The following TNRC6B variants were observed in gnomAD, a reference collection of about 807,000 sequenced individuals.
TNRC6B encodes trinucleotide repeat-containing gene 6B protein.
A neutral mutation model predicts 203.6 loss-of-function variants in TNRC6B; 52 were observed. The ratio of observed to expected loss-of-function variants is 0.26; its 90% CI spans 0.20 to 0.32. The LOEUF is 0.32. Ranked by LOEUF, TNRC6B falls within the 10% of genes least tolerant of loss-of-function variation. The pLI is 1.00. For synonymous variants in TNRC6B, 838 were observed against 845.7 expected, an observed-to-expected ratio of 0.99 and a Z score of 0.16; for missense variants, 1,923 against 2,286.2, an observed-to-expected ratio of 0.84 and a Z score of 3.24.
At chr22:40,142,934 G>A (rs1026727251) in intron 3 of TNRC6B, among the ~76,000 whole-genome samples, 2 of 152,194 alleles carry the variant, frequency 1.3e-5, no homozygotes, top group African/African-American at 2.4e-5. Context: ...TTAATTTGAG[G>A]TGTATCACAG....
intron 3 of TNRC6B, among the ~76,000 whole-genome samples, chr22:40,137,497 A>C (rs1332727082): frequency 6.6e-6 from 1 of 152,248 alleles, no homozygotes; most frequent in Non-Finnish European, 1.5e-5. Context: ...GTACAGAAGA[A>C]TCCCTAAGAA....
chr22:40,137,749 C>T (rs1051570489), intron 3 of TNRC6B, among the ~76,000 whole-genome samples: 1 of 151,958 alleles, frequency 6.6e-6, no homozygotes, highest in Non-Finnish European at 1.5e-5. Context: ...TTTGGGAGGC[C>T]GAGGCGGGTG....
At chr22:40,067,349 T>C (rs996051888) in intron 1 of TNRC6B, among the ~76,000 whole-genome samples, 7 of 152,160 alleles carry the variant, frequency 4.6e-5, no homozygotes, top group Non-Finnish European at 1.0e-4. Context: ...GTGGGAATTA[T>C]GTGAATGCCC....
chr22:40,280,529 G>A (rs1380631312), intron 10 of TNRC6B, among the ~76,000 whole-genome samples: 1 of 152,178 alleles, frequency 6.6e-6, no homozygotes, highest in East Asian at 1.9e-4. Context: ...TAACTCTGTT[G>A]TTATCTTTCC....
At chr22:40,238,401 C>T (rs945095334) in intron 1 of TNRC6B, among the ~76,000 whole-genome samples, 1 of 152,140 alleles carries the variant, frequency 6.6e-6, no homozygotes, top group Non-Finnish European at 1.5e-5. Context: ...CAATTTGATT[C>T]CTTATTCAAT....
At chr22:40,204,416 C>A (rs2069452443) in intron 1 of TNRC6B, among the ~76,000 whole-genome samples, 1 of 152,196 alleles carries the variant, frequency 6.6e-6, no homozygotes, top group South Asian at 2.1e-4. Context: ...ATTCCAGATT[C>A]ATCCCCTGCC....
Position 40,270,170 on chromosome 22 carries a change from G to A in TNRC6B, c.2855G>A (p.Trp952Ter), listed in dbSNP as rs1440097509. Residue 952 changes from tryptophan (W) to a stop codon, truncating the protein, a stop_gained, in exon 6 of 23, where the codon TGG becomes TAG. Transcript: ENST00000454349. LOFTEE classifies it high-confidence loss of function. ...GCTCCAGATAATGGTACTTCCGCTT[G>A]GGGTGAGCCAAATGAAAGCAGTCCT... ...PPAPDNGTSA[W>*]GEPNESSPGW... 1 of 1,583,184 alleles carries A rather than the reference G, an allele frequency of 6.3e-7. No homozygotes were observed. Among genetic ancestry groups the A allele is most frequent in the Non-Finnish European group, 8.6e-7 (1 of 1,163,916 alleles).
intron 3 of TNRC6B, among the ~76,000 whole-genome samples, chr22:40,258,486 A>T (rs534586620): frequency 7.2e-5 from 11 of 152,268 alleles, no homozygotes; most frequent in African/African-American, 2.6e-4. Flanking sequence ...ATTCACAGAA[A>T]GGTGTGATTT....
chr22:40,105,558 T>C (rs1569261961), intron 1 of TNRC6B, among the ~76,000 whole-genome samples: 1 of 152,226 alleles, frequency 6.6e-6, no homozygotes, highest in African/African-American at 2.4e-5. Flanking sequence ...AGTCATATGC[T>C]GTATCTCCTT....
rs2070449159 is a variant in TNRC6B at position 40,264,798 on chromosome 22, G to A, written c.568G>A (p.Val190Met). 6.2e-7 allele frequency: 1 copy of A among 1,613,994 alleles called. No individual in the cohort carries two copies. Among genetic ancestry groups the A allele is most frequent in the African/African-American group, 1.3e-5 (1 of 75,028 alleles). The change falls in exon 5 of 23, where the codon GTG (valine) becomes ATG (methionine). Residue 190 changes from valine (V) to methionine (M), a missense_variant. Physicochemically the swap from Val to Met is conservative, Grantham distance 21 (BLOSUM62 1). This residue lies in a region of TNRC6B where 614 missense variants were observed against 587.7 expected (regional missense o/e 1.04). Coordinates refer to ENST00000454349, the MANE Select transcript of TNRC6B (RefSeq NM_001162501.2). ...SPNPIHIWDKVIVDGSDMEEW... is the reference protein window; with the variant it reads ...SPNPIHIWDKMIVDGSDMEEW... ...CAACCCAATTCACATCTGGGACAAG[G>A]TGATTGTAGACGGGTCTGACATGGA...
chr22:40,299,405 A>G (rs1318207851), intron 12 of TNRC6B, among the ~76,000 whole-genome samples: 1 of 151,668 alleles, frequency 6.6e-6, no homozygotes, highest in Non-Finnish European at 1.5e-5. Context: ...ACACCCAGCT[A>G]ATTTTGTATT....
chr22:40,257,009 A>G (rs1184306272), intron 3 of TNRC6B, among the ~76,000 whole-genome samples: 1 of 152,198 alleles, frequency 6.6e-6, no homozygotes, highest in East Asian at 1.9e-4. Context: ...AGGTAAAGAA[A>G]TAGAGGCAGT....
rs183455322 is a variant in TNRC6B at position 40,149,199 on chromosome 22, A to G, written c.46-6916A>G. ...GCTGTGAAAGGAAAATGAACTATTG[A>G]CACTTGAAACCACATGGATGAATTT... On this transcript the variant is annotated intron_variant, in intron 3 of 23. Coordinates refer to the TNRC6B transcript ENST00000301923. Among the ~76,000 whole-genome samples the G allele has an allele frequency of 7.2e-4, 109 of 152,374 alleles. No homozygotes were observed. The Middle Eastern group carries it at 0.01, about 14-fold the overall frequency.
intron 11 of TNRC6B, among the ~76,000 whole-genome samples, chr22:40,282,132 G>A (rs1029225421): frequency 6.6e-6 from 1 of 152,230 alleles, no homozygotes; most frequent in African/African-American, 2.4e-5. Context: ...GTGGGAGGAC[G>A]TTAATTATAC....
intron 4 of TNRC6B, among the ~76,000 whole-genome samples, chr22:40,157,935 A>T (rs1169911374): frequency 6.6e-6 from 1 of 152,182 alleles, no homozygotes; most frequent in Non-Finnish European, 1.5e-5. Flanking sequence ...TTTAGATTTG[A>T]ACCCAGATCT....
intron 3 of TNRC6B, among the ~76,000 whole-genome samples, chr22:40,132,175 C>T (rs2068550842): frequency 1.3e-5 from 2 of 152,098 alleles, no homozygotes; most frequent in African/African-American, 4.8e-5. Flanking sequence ...TAGCAAAACC[C>T]CATCTCTACT....
intron 1 of TNRC6B, among the ~76,000 whole-genome samples, chr22:40,092,228 C>A (rs1432753986): frequency 6.6e-6 from 1 of 151,906 alleles, no homozygotes; most frequent in Admixed American, 6.6e-5. Context: ...CATGGAGAAA[C>A]CCCATCTCTA....
rs941599260 is a variant in TNRC6B, at chr22:40,264,829, G to A, written c.599G>A (p.Trp200Ter). Residue 200 changes from tryptophan to a stop codon, truncating the protein, a stop_gained, in exon 5 of 23, where the codon TGG (tryptophan) becomes TAG (stop). Transcript: ENST00000454349. LOFTEE classifies it high-confidence loss of function. ...VIVDGSDMEE[W>*]PCIASKDTES... Reference sequence around the variant, plus strand: ...GTAGACGGGTCTGACATGGAAGAGTGGCCTTGTATTGCCAGCAAAGACACT... The same window carrying A: ...GTAGACGGGTCTGACATGGAAGAGTAGCCTTGTATTGCCAGCAAAGACACT... 1 of 1,613,814 alleles carries A rather than the reference G, an allele frequency of 6.2e-7. No homozygotes were observed. The highest frequency in any genetic ancestry group is 1.3e-5 in the African/African-American group (1 of 74,898).
intron 3 of TNRC6B, among the ~76,000 whole-genome samples, chr22:40,145,062 C>T (rs2068679339): frequency 8.8e-6 from 1 of 113,918 alleles, no homozygotes. Context: ...CCCTATCTAG[C>T]TCCACAAAAA....
Sources: gnomAD v4.1 joint callset for allele counts (sites outside exome capture counted in the v4.1 genomes callset) on GRCh38, gnomAD v4.1.1 for gene constraint, gnomAD v4.1.1 regional missense constraint, MANE v1.5 for transcripts, NCBI Gene and HGNC (gene_info 2026-07-23, HGNC 2026-07-21) for gene names.